PCNX1: variants seen among roughly 807,000 people sequenced by gnomAD.
The protein encoded by PCNX1 is pecanex 1.
Under a neutral mutation model 242.2 loss-of-function variants are expected in PCNX1, and 78 were observed. That is an observed-to-expected ratio of 0.32 (90% CI 0.27 to 0.39). The LOEUF (loss-of-function observed/expected upper bound fraction) is 0.39, where lower values mean the gene tolerates loss of function less well. Among genes scored for constraint, PCNX1 ranks in the 10% least tolerant of loss-of-function variants. The pLI is 1.00. For synonymous variants in PCNX1, 1,024 were observed against 1,032.9 expected (o/e 0.99, Z 0.17); for missense variants, 2,581 against 2,856.5 (o/e 0.90, Z 2.20).
At chr14:70,966,751 CT>C (rs1456361701) in intron 3 of PCNX1, among the ~76,000 whole-genome samples, 1 of 151,998 alleles carries the variant, frequency 6.6e-6, no homozygotes. Flanking sequence ...GTTTAAATTC[CT>C]AGATGGGTAT....
At chr14:71,093,377 A>G (rs1027738198) in intron 30 of PCNX1, 1 of 152,110 alleles carries the variant, frequency 6.6e-6, no homozygotes, top group African/African-American at 2.4e-5. Flanking sequence ...GACAAATTCA[A>G]GAGGTATTAA....
At chr14:71,012,788 C>T in intron 10 of PCNX1, 197 bp from the exon 11 acceptor site, 3 of 510,894 alleles carry the variant, frequency 5.9e-6, no homozygotes, top group East Asian at 7.1e-5. Flanking sequence ...GCCGAGATTG[C>T]ACCACTGTAC....
chr14:70,980,192 A>G (rs1340158631), intron 6 of PCNX1, among the ~76,000 whole-genome samples: 1 of 152,074 alleles, frequency 6.6e-6, no homozygotes, highest in Non-Finnish European at 1.5e-5. Context: ...ATATGTAGTA[A>G]ATTCATGCGT....
rs35068772 is a variant in PCNX1, at chr14:70,994,396, GATATATATATATATATATAT to G, written c.2445-1330_2445-1311del. ...TCTATTATCATAACCACAGGCTTAA[GATATATATATATATATATAT>G]ATATATATATATATGTATGTATGTA... On this transcript the variant is annotated intron_variant, in intron 7 of 35. Transcript: ENST00000304743. Among the ~76,000 whole-genome samples, 65 of 96,964 alleles carry G rather than the reference GATATATATATATATATATAT, an allele frequency of 6.7e-4. 2 individuals carry two copies. The South Asian group carries it at 0.011, about 17-fold the overall frequency. 63.6% of individuals were successfully genotyped at this position (96,964 alleles called of 152,430 possible).
intron 24 of PCNX1, among the ~76,000 whole-genome samples, chr14:71,052,969 T>G (rs78122649): frequency 0.013 from 1,970 of 152,306 alleles, 37 homozygotes; most frequent in African/African-American, 0.044. Flanking sequence ...AGAAAGAGCT[T>G]GTACTAATTT....
At chr14:70,983,205 A>G (rs986799745) in intron 6 of PCNX1, among the ~76,000 whole-genome samples, 1 of 152,244 alleles carries the variant, frequency 6.6e-6, no homozygotes, top group African/African-American at 2.4e-5. Context: ...AATCACCTAT[A>G]AAAGTATAAG....
chr14:70,964,964 G>A (rs2058333434), intron 3 of PCNX1, among the ~76,000 whole-genome samples: 1 of 152,116 alleles, frequency 6.6e-6, no homozygotes, highest in Admixed American at 6.5e-5. Flanking sequence ...TTTGCATATT[G>A]CTGGAGATAT....
At chr14:71,002,297 CTGTT>C (rs1055919131) in intron 8 of PCNX1, among the ~76,000 whole-genome samples, 1 of 152,200 alleles carries the variant, frequency 6.6e-6, no homozygotes, top group African/African-American at 2.4e-5. Context: ...ATTTCACTGA[CTGTT>C]TGCTGCTACA....
chr14:71,031,770 A>G, intron 16 of PCNX1: 1 of 1,381,042 alleles, frequency 7.2e-7, no homozygotes, highest in South Asian at 1.2e-5. Flanking sequence ...GAAACTTCTC[A>G]GCCTCTTCCT....
intron 13 of PCNX1, among the ~76,000 whole-genome samples, chr14:71,024,444 T>C (rs1009379670): frequency 6.6e-6 from 1 of 152,202 alleles, no homozygotes; most frequent in African/African-American, 2.4e-5. Context: ...TTGATAGATA[T>C]AGGCCAGTTA....
At chr14:71,043,172 C>A (rs1308695351) in intron 19 of PCNX1, among the ~76,000 whole-genome samples, 1 of 152,090 alleles carries the variant, frequency 6.6e-6, no homozygotes, top group Non-Finnish European at 1.5e-5. Context: ...AGATGTTAGT[C>A]TAATGGGGGT....
intron 1 of PCNX1, among the ~76,000 whole-genome samples, chr14:70,921,965 A>G (rs1351255451): frequency 1.3e-5 from 2 of 152,158 alleles, no homozygotes; most frequent in Non-Finnish European, 2.9e-5. Context: ...GGGATAGGTG[A>G]TTCTGATGGC....
At chr14:71,004,805 A>G (rs138810544) in intron 8 of PCNX1, among the ~76,000 whole-genome samples, 62 of 152,310 alleles carry the variant, frequency 4.1e-4, no homozygotes, top group Admixed American at 1.6e-3. Flanking sequence ...TGCATTATGA[A>G]CACAGTGCTA....
At chr14:70,968,087 C>A in intron 3 of PCNX1, 111 bp from the exon 4 acceptor site, 1 of 786,740 alleles carries the variant, frequency 1.3e-6, no homozygotes, top group Non-Finnish European at 2.2e-6. Context: ...TAAAAATGAT[C>A]GATAACATGT....
Position 71,053,036 on chromosome 14 carries a change from C to T in PCNX1, c.4577+1024C>T, listed in dbSNP as rs956405632. ...TTCTCTCTATACTTTCACAAATTGG[C>T]ATATTTAATAGGTGAAAATTGTAAT... is the stretch of plus-strand genomic sequence containing the variant. On this transcript the variant is annotated intron_variant, in intron 24 of 35. Coordinates refer to ENST00000304743, the MANE Select transcript of PCNX1 (RefSeq NM_014982.3). 3.9e-5 allele frequency among the ~76,000 whole-genome samples: 6 copies of T among 152,168 alleles called. No individual in the cohort carries two copies. In the East Asian group the frequency reaches 1.2e-3, roughly 29 times the overall value.
At position 71,018,462 on chromosome 14, in the gene PCNX1, A is replaced by T. The variant is rs373096939; in HGVS notation, c.2997-547A>T. 1.7e-3 allele frequency among the ~76,000 whole-genome samples: 263 copies of T among 152,322 alleles called. 1 individual carries two copies. Among genetic ancestry groups the T allele is most frequent in the African/African-American group, 5.9e-3 (247 of 41,586 alleles). ...GGTGTTTGTCACTACCTTTAGTTTC[A>T]AGATATGTAAGAGCCCATATTTAAG... On this transcript the variant is annotated intron_variant, in intron 11 of 35. Transcript: ENST00000304743.
intron 15 of PCNX1, among the ~76,000 whole-genome samples, chr14:71,028,135 A>G (rs968575761): frequency 6.6e-6 from 1 of 151,766 alleles, no homozygotes; most frequent in African/African-American, 2.4e-5. Context: ...GTAATTATCT[A>G]TTTCATTGTT....
chr14:71,091,379 T>C (rs1400474353), intron 30 of PCNX1, among the ~76,000 whole-genome samples: 1 of 152,204 alleles, frequency 6.6e-6, no homozygotes, highest in Non-Finnish European at 1.5e-5. Flanking sequence ...TGCATCTACC[T>C]TACAACCCAA....
At chr14:71,099,000 A>C (rs2062385964) in intron 30 of PCNX1, among the ~76,000 whole-genome samples, 2 of 152,018 alleles carry the variant, frequency 1.3e-5, no homozygotes, top group Non-Finnish European at 2.9e-5. Flanking sequence ...ATTTCAAATA[A>C]TTTTTTTATT....
Sources: gnomAD v4.1 joint callset for allele counts (sites outside exome capture counted in the v4.1 genomes callset) on GRCh38, gnomAD v4.1.1 for gene constraint, MANE v1.5 for transcripts, NCBI Gene and HGNC (gene_info 2026-07-23, HGNC 2026-07-21) for gene names.